MIB1: variants seen among roughly 807,000 people sequenced by gnomAD.
The protein encoded by MIB1 is E3 ubiquitin-protein ligase MIB1.
A neutral mutation model predicts 124.5 loss-of-function variants in MIB1; 278 were observed. That is an observed-to-expected ratio of 2.23 (90% CI 2.02 to 2.47). The LOEUF (loss-of-function observed/expected upper bound fraction) is 2.47. Among genes scored for constraint, MIB1 ranks in the 30% most tolerant of loss-of-function variants. The probability of loss-of-function intolerance (pLI) is 0.00; values close to 1 mark genes in which losing one functional copy is unlikely to be tolerated. For missense variants in MIB1, 957 were observed against 1,254.4 expected, an observed-to-expected ratio of 0.76 and a Z score of 3.58; for synonymous variants, 446 against 429.4, an observed-to-expected ratio of 1.04 and a Z score of -0.48.
rs946584316 is a variant in MIB1 at position 21,866,318 on chromosome 18, G to C, written c.*1652G>C. On this transcript the variant is annotated 3_prime_UTR_variant, in exon 21 of 21. Coordinates refer to ENST00000261537, the MANE Select transcript of MIB1 (RefSeq NM_020774.4). ...CATGTCTGTGTTTAGCTGAGTAACT[G>C]CTATCATTTAGAACAGTAAAATTTT... 3 of 152,140 alleles carry C rather than the reference G, an allele frequency of 2.0e-5. No homozygotes were observed. Among genetic ancestry groups the C allele is most frequent in the African/African-American group, 7.2e-5 (3 of 41,406 alleles). The allele number at this position is 152,140 out of a possible 1,614,324, so 9.4% of individuals were successfully genotyped here. A position where few individuals can be genotyped will look rare whatever the true frequency, so the allele number is the denominator to read the frequency against.
At chr18:21,769,279 G>T (rs1263672976) in intron 3 of MIB1, among the ~76,000 whole-genome samples, 1 of 152,170 alleles carries the variant, frequency 6.6e-6, no homozygotes, top group Non-Finnish European at 1.5e-5. Flanking sequence ...GATCTAGGTG[G>T]CAGGGAATGG....
chr18:21,835,583 T>C (rs1374429539), intron 12 of MIB1, among the ~76,000 whole-genome samples: 1 of 151,626 alleles, frequency 6.6e-6, no homozygotes, highest in Non-Finnish European at 1.5e-5. Context: ...CTGGCCAAGA[T>C]GGTGAAACCC....
Position 21,857,248 on chromosome 18 carries a change from G to C in MIB1, c.2779+5G>C. ...AAGATGCCACTGATGATATCTGTAA[G>C]TCGATTGTCTTAAGCATTTTCATAT... On this transcript the variant is annotated splice_donor_5th_base_variant and intron_variant, in intron 19 of 20. Coordinates refer to ENST00000261537, the MANE Select transcript of MIB1 (RefSeq NM_020774.4). The C allele has an allele frequency of 6.3e-7, 1 of 1,598,958 alleles. No homozygotes were observed. Among genetic ancestry groups the C allele is most frequent in the South Asian group, 1.1e-5 (1 of 90,700 alleles).
chr18:21,740,687 G>C (rs1178619946), upstream of MIB1, among the ~76,000 whole-genome samples: 1 of 152,182 alleles, frequency 6.6e-6, no homozygotes, highest in African/African-American at 2.4e-5. Context: ...GGCACCACCG[G>C]GCGGCAACTC....
At chr18:21,720,472 AATAC>A (rs1036966765) in intron 1 of MIB1, among the ~76,000 whole-genome samples, 1 of 151,946 alleles carries the variant, frequency 6.6e-6, no homozygotes, top group African/African-American at 2.4e-5. Context: ...TGGCTTATTA[AATAC>A]ATTATTTTCA....
At chr18:21,817,879 G>T in intron 11 of MIB1, 1 of 254,608 alleles carries the variant, frequency 3.9e-6, no homozygotes, top group East Asian at 1.0e-4. Flanking sequence ...ACTGAATTTG[G>T]CAACTGTAGT....
At chr18:21,738,786 C>A (rs200939411), upstream of MIB1, among the ~76,000 whole-genome samples, 1 of 89,480 alleles carries the variant, frequency 1.1e-5, no homozygotes, top group Non-Finnish European at 2.0e-5. Context: ...CAGCCTGGGC[C>A]ACAAAGTGAG....
At chr18:21,767,901 G>A (rs2041181208) in intron 2 of MIB1, among the ~76,000 whole-genome samples, 1 of 151,964 alleles carries the variant, frequency 6.6e-6, no homozygotes, top group South Asian at 2.1e-4. Context: ...TCTGTTGATG[G>A]ATTCATAGAA....
At chr18:21,857,291 C>T in intron 19 of MIB1, 48 bp downstream of exon 19, 1 of 1,126,716 alleles carries the variant, frequency 8.9e-7, no homozygotes, top group Non-Finnish European at 1.4e-6. Flanking sequence ...TTTTTTGGGA[C>T]TTGCATAAAC....
intron 1 of MIB1, among the ~76,000 whole-genome samples, chr18:21,755,833 TCAGAGC>T: frequency 6.6e-6 from 1 of 152,374 alleles, no homozygotes; most frequent in South Asian, 2.1e-4. Flanking sequence ...GTTTATATTC[TCAGAGC>T]ACACTTACGA....
intron 10 of MIB1, 46 bp from the exon 11 acceptor site, chr18:21,815,570 T>C (rs769523827): frequency 3.9e-6 from 6 of 1,530,442 alleles, no homozygotes; most frequent in Non-Finnish European, 4.5e-6. Flanking sequence ...AAGGTTTTTT[T>C]CTTTCTAAAA....
chr18:21,763,724 T>A (rs1251728429), intron 1 of MIB1, among the ~76,000 whole-genome samples: 1 of 152,102 alleles, frequency 6.6e-6, no homozygotes, highest in East Asian at 1.9e-4. Flanking sequence ...ATCCTCTACA[T>A]CTTTTGTCTC....
intron 11 of MIB1, among the ~76,000 whole-genome samples, chr18:21,818,862 A>G (rs565562332): frequency 1.3e-5 from 2 of 152,116 alleles, no homozygotes; most frequent in Non-Finnish European, 2.9e-5. Flanking sequence ...TTGAAACCGG[A>G]AAGTGGAGGT....
chr18:21,848,113 T>G (rs1156891597), intron 16 of MIB1, among the ~76,000 whole-genome samples: 2 of 152,316 alleles, frequency 1.3e-5, no homozygotes, highest in Middle Eastern at 3.4e-3. Flanking sequence ...TATAGTGAGG[T>G]ATATACATTT....
At chr18:21,756,449 A>G (rs2041032411) in intron 1 of MIB1, among the ~76,000 whole-genome samples, 1 of 152,166 alleles carries the variant, frequency 6.6e-6, no homozygotes, top group Non-Finnish European at 1.5e-5. Context: ...CAGTTATTTC[A>G]AAATGTATAA....
rs1253860717 is a variant in MIB1 at position 21,741,214 on chromosome 18, G to C, written c.-370G>C. On this transcript the variant is annotated 5_prime_UTR_variant, in exon 1 of 21. Coordinates refer to ENST00000261537, the MANE Select transcript of MIB1 (RefSeq NM_020774.4). This position sits in a 1 kb window ranked among gnomAD's most constrained non-coding sequence, Gnocchi z 5.4. ...CCTCCCCCGGCCCCCTGCGCTCCTCGCGCTGCCGGCCGGGGGAGAGCGTGG... is the reference window on the plus strand; with the variant it reads ...CCTCCCCCGGCCCCCTGCGCTCCTCCCGCTGCCGGCCGGGGGAGAGCGTGG... The C allele has an allele frequency of 6.6e-6, 1 of 152,350 alleles. No individual in the cohort carries two copies. The highest frequency in any genetic ancestry group is 2.4e-5 in the African/African-American group (1 of 41,454). The allele number at this position is 152,350 out of a possible 1,614,324, so 9.4% of individuals were successfully genotyped here.
chr18:21,858,523 A>G, intron 19 of MIB1, 23 bp from the exon 20 acceptor site: 2 of 1,064,846 alleles, frequency 1.9e-6, no homozygotes, highest in South Asian at 2.8e-5. Context: ...ATAACTGAAA[A>G]TCTTTTTAAA....
chr18:21,856,825 A>G lies in MIB1; in HGVS notation c.2666-305A>G, dbSNP rs201384006. 1.9e-4 allele frequency among the ~76,000 whole-genome samples: 29 copies of G among 152,354 alleles called. No individual in the cohort carries two copies. The East Asian group carries it at 4.8e-3, about 25-fold the overall frequency. On this transcript the variant is annotated intron_variant, in intron 18 of 20. Coordinates refer to ENST00000261537, the MANE Select transcript of MIB1 (RefSeq NM_020774.4). ...ATAGTATCTCTCTCCTTTATTCTCA[A>G]GTCTTAAAATCTTGAAATATTTATT...
intron 9 of MIB1, among the ~76,000 whole-genome samples, chr18:21,801,021 T>C (rs2041645429): frequency 6.6e-6 from 1 of 152,108 alleles, no homozygotes; most frequent in Admixed American, 6.6e-5. Context: ...TTTAAGAACA[T>C]TATAGTACTA....
Sources: gnomAD v4.1 joint callset for allele counts (sites outside exome capture counted in the v4.1 genomes callset) on GRCh38, gnomAD v4.1.1 for gene constraint, Gnocchi (gnomAD v3.1) non-coding constraint, MANE v1.5 for transcripts, NCBI Gene and HGNC (gene_info 2026-07-23, HGNC 2026-07-21) for gene names.